ZFYVE9: variants seen among roughly 807,000 people sequenced by gnomAD.
The protein encoded by ZFYVE9 is zinc finger FYVE domain-containing protein 9.
ZFYVE9 carries 43 observed loss-of-function variants against 126.7 expected under a neutral mutation model. The observed-to-expected ratio is 0.34, with a 90% CI of 0.27 to 0.44. ZFYVE9 has a LOEUF of 0.44. Among genes scored for constraint, ZFYVE9 ranks in the 20% least tolerant of loss-of-function variants. The pLI is 1.00. For missense variants in ZFYVE9, 1,476 were observed against 1,697.0 expected (o/e 0.87, Z 2.29); for synonymous variants, 521 against 597.4 (o/e 0.87, Z 1.87).
At chr1:52,306,103 TG>T (rs1331664745) in intron 13 of ZFYVE9, among the ~76,000 whole-genome samples, 2 of 152,214 alleles carry the variant, frequency 1.3e-5, no homozygotes, top group African/African-American at 4.8e-5. Context: ...GCCTGAAGGC[TG>T]GGGGGCCAGG....
chr1:52,153,629 A>G (rs1644376622), intron 1 of ZFYVE9, among the ~76,000 whole-genome samples: 1 of 152,082 alleles, frequency 6.6e-6, no homozygotes, highest in Non-Finnish European at 1.5e-5. Context: ...GGGTTAATTA[A>G]TCTTGCCAAG....
At chr1:52,158,747 G>A (rs190819671) in intron 1 of ZFYVE9, among the ~76,000 whole-genome samples, 154 of 152,076 alleles carry the variant, frequency 1.0e-3, no homozygotes, top group Non-Finnish European at 4.4e-4. Context: ...TTGTTTGTTA[G>A]CTGCCCTTTC....
chr1:52,235,988 T>C (rs1645269890), intron 3 of ZFYVE9, among the ~76,000 whole-genome samples: 1 of 152,194 alleles, frequency 6.6e-6, no homozygotes, highest in Admixed American at 6.5e-5. Flanking sequence ...TTATATCAAT[T>C]AGCTTATAGT....
In ZFYVE9 at chr1:52,231,712, C is replaced by G. The variant is rs187371901; in HGVS notation, c.-36-1459C>G. On this transcript the variant is annotated intron_variant, in intron 2 of 18. Transcript: ENST00000287727. ...AATCTCGGCTCACTGCAACCTCCACCTCCCGGGTTCAAGTGATTCTCCCTC... is the reference window on the plus strand; with the variant it reads ...AATCTCGGCTCACTGCAACCTCCACGTCCCGGGTTCAAGTGATTCTCCCTC... Among the ~76,000 whole-genome samples, 313 of 152,088 alleles carry G rather than the reference C, an allele frequency of 2.1e-3. 1 individual carries two copies. The highest frequency in any genetic ancestry group is 0.014 in the Middle Eastern group (4 of 294).
intron 12 of ZFYVE9, among the ~76,000 whole-genome samples, chr1:52,298,053 TC>T (rs1645995772): frequency 6.6e-6 from 1 of 152,210 alleles, no homozygotes; most frequent in South Asian, 2.1e-4. Context: ...GGATATTAAC[TC>T]CTTTTCAGAT....
intron 2 of ZFYVE9, among the ~76,000 whole-genome samples, chr1:52,222,005 C>A (rs1167592489): frequency 6.6e-6 from 1 of 152,142 alleles, no homozygotes; most frequent in Non-Finnish European, 1.5e-5. Context: ...AGATACCATA[C>A]CTTCAATTTG....
At chr1:52,256,043 T>C (rs1010210016) in intron 4 of ZFYVE9, among the ~76,000 whole-genome samples, 2 of 133,238 alleles carry the variant, frequency 1.5e-5, no homozygotes, top group South Asian at 2.4e-4. Flanking sequence ...CTTTCTTTCT[T>C]TCTCTCTCTC....
At chr1:52,154,732 T>TCTG (rs36051291) in intron 1 of ZFYVE9, among the ~76,000 whole-genome samples, 1 of 152,164 alleles carries the variant, frequency 6.6e-6, no homozygotes, top group African/African-American at 2.4e-5. Context: ...CACTTTTCTT[T>TCTG]CTGCATAAAA....
chr1:52,189,692 T>TC (rs896561515), intron 1 of ZFYVE9, among the ~76,000 whole-genome samples: 2 of 151,730 alleles, frequency 1.3e-5, no homozygotes, highest in Admixed American at 6.6e-5. Flanking sequence ...TTTTTTTTTT[T>TC]TAAACTTGTG....
rs56300233 is a variant in ZFYVE9 at position 52,148,947 on chromosome 1, A to ATTTTT, written c.-143+6575_-143+6579dup. On this transcript the variant is annotated intron_variant, in intron 1 of 18. Coordinates refer to ENST00000287727, the MANE Select transcript of ZFYVE9 (RefSeq NM_004799.4). ...AGCCACTGTTCCCAGCCTTAACATG[A>ATTTTT]TTTTTTTTTTTTTTTTTTTTTTTTT... Among the ~76,000 whole-genome samples, 52 of 34,260 alleles carry ATTTTT rather than the reference A, an allele frequency of 1.5e-3. 4 individuals carry two copies. The highest frequency in any genetic ancestry group is 3.4e-3 in the Admixed American group (6 of 1,772). 22.5% of individuals were successfully genotyped at this position (34,260 alleles called of 152,430 possible). A position where few individuals can be genotyped will look rare whatever the true frequency, so the allele number is the denominator to read the frequency against.
chr1:52,234,932 A>G (rs1645259674), intron 3 of ZFYVE9, among the ~76,000 whole-genome samples: 1 of 152,190 alleles, frequency 6.6e-6, no homozygotes, highest in Non-Finnish European at 1.5e-5. Context: ...TCATGTGAAT[A>G]CTATGCTTCT....
chr1:52,169,771 T>C (rs779690645), intron 1 of ZFYVE9, among the ~76,000 whole-genome samples: 2 of 152,210 alleles, frequency 1.3e-5, no homozygotes, highest in Non-Finnish European at 2.9e-5. Flanking sequence ...TGTGGAGATT[T>C]TTATTGTAAT....
At chr1:52,227,784 A>G (rs1645183400) in intron 2 of ZFYVE9, among the ~76,000 whole-genome samples, 1 of 152,162 alleles carries the variant, frequency 6.6e-6, no homozygotes. Context: ...ATCCTGCTCC[A>G]TTGCTGAGTC....
In ZFYVE9 at chr1:52,230,000, TG is replaced by T. The variant is rs1645203215; in HGVS notation, c.-36-3168del. Among the ~76,000 whole-genome samples the T allele has an allele frequency of 7.2e-5, 11 of 152,192 alleles. No homozygotes were observed. The South Asian group carries it at 2.1e-3, about 29-fold the overall frequency. On this transcript the variant is annotated intron_variant, in intron 2 of 18. Coordinates refer to ENST00000287727, the MANE Select transcript of ZFYVE9 (RefSeq NM_004799.4). ...CTCCTGCCTCAGCTTCCTGAGTAGC[TG>T]GGACTACAGGCGCTTGCCACCACGT...
At position 52,169,403 on chromosome 1, in the gene ZFYVE9, AAAAT is replaced by A. The variant is rs1644543803; in HGVS notation, c.-143+27004_-143+27007del. Among the ~76,000 whole-genome samples the A allele has an allele frequency of 4.6e-5, 7 of 152,316 alleles. No individual in the cohort carries two copies. In the South Asian group the frequency reaches 1.4e-3, roughly 32 times the overall value. ...TGACAGAGTGAGACACTGTCTGAAT[AAAAT>A]AAAATAAATTTATAACCCTCAAATT... On this transcript the variant is annotated intron_variant, in intron 1 of 18. Coordinates refer to ENST00000287727, the MANE Select transcript of ZFYVE9 (RefSeq NM_004799.4).
At chr1:52,235,530 A>G (rs1645265621) in intron 3 of ZFYVE9, among the ~76,000 whole-genome samples, 1 of 151,974 alleles carries the variant, frequency 6.6e-6, no homozygotes, top group Non-Finnish European at 1.5e-5. Context: ...TCAAATCTCT[A>G]CTGGTTCAAA....
intron 1 of ZFYVE9, among the ~76,000 whole-genome samples, chr1:52,207,099 T>G (rs1310284854): frequency 2.6e-5 from 4 of 152,252 alleles, no homozygotes; most frequent in Admixed American, 2.0e-4. Context: ...AATCAAATGT[T>G]TAGGCATTCC....
intron 1 of ZFYVE9, chr1:52,189,842 A>T (rs1019397013): frequency 6.6e-6 from 1 of 152,098 alleles, no homozygotes; most frequent in African/African-American, 2.4e-5. Flanking sequence ...GTCCAACTTT[A>T]TTCTTGCGCA....
intron 4 of ZFYVE9, among the ~76,000 whole-genome samples, chr1:52,241,067 C>T (rs1391658447): frequency 6.6e-6 from 1 of 152,066 alleles, no homozygotes; most frequent in African/African-American, 2.4e-5. Context: ...ATTTTGGTTC[C>T]TCTTGCCACA....
Sources: gnomAD v4.1 joint callset for allele counts (sites outside exome capture counted in the v4.1 genomes callset) on GRCh38, gnomAD v4.1.1 for gene constraint, MANE v1.5 for transcripts, NCBI Gene and HGNC (gene_info 2026-07-23, HGNC 2026-07-21) for gene names.